The following CDH4 variants were observed in gnomAD, a reference collection of about 807,000 sequenced individuals.
The protein encoded by CDH4 is cadherin 4, also known as cadherin-4.
A neutral mutation model predicts 86.0 loss-of-function variants in CDH4; 33 were observed. The observed-to-expected ratio is 0.38, with a 90% CI of 0.29 to 0.51. The LOEUF (loss-of-function observed/expected upper bound fraction) is 0.51, where lower values mean the gene tolerates loss of function less well. Ranked by LOEUF, CDH4 falls within the 20% of genes least tolerant of loss-of-function variation. CDH4 has a pLI of 0.86. For synonymous variants in CDH4, 555 were observed against 549.4 expected (o/e 1.01, Z -0.14); for missense variants, 1,114 against 1,307.4 (o/e 0.85, Z 2.28).
At chr20:61,535,390 G>A (rs886308034) in intron 2 of CDH4, among the ~76,000 whole-genome samples, 15 of 152,214 alleles carry the variant, frequency 9.9e-5, no homozygotes, top group African/African-American at 3.1e-4. Flanking sequence ...CCAGGCCCAC[G>A]GAACAAGGAA....
intron 2 of CDH4, among the ~76,000 whole-genome samples, chr20:61,349,407 A>C (rs6028145): frequency 6.6e-6 from 1 of 152,062 alleles, no homozygotes; most frequent in Non-Finnish European, 1.5e-5. Context: ...AGCACCAGCT[A>C]ATGTTTGATG....
At chr20:61,472,396 C>T (rs769168761) in intron 2 of CDH4, among the ~76,000 whole-genome samples, 15 of 152,132 alleles carry the variant, frequency 9.9e-5, no homozygotes, top group Non-Finnish European at 2.1e-4. Context: ...AAGACTTACT[C>T]CTGCCATTTT....
intron 7 of CDH4, among the ~76,000 whole-genome samples, chr20:61,875,187 C>T (rs542675399): frequency 6.6e-6 from 1 of 152,338 alleles, no homozygotes; most frequent in African/African-American, 2.4e-5. Flanking sequence ...TCTTCATCCC[C>T]GCCTTTCAAA....
chr20:61,389,604 G>A (rs78531769), intron 2 of CDH4, among the ~76,000 whole-genome samples: 19 of 152,274 alleles, frequency 1.2e-4, no homozygotes, highest in Middle Eastern at 3.4e-3. Flanking sequence ...GCCTCCCAGC[G>A]TCTTCATTGT....
chr20:61,557,843 A>G (rs16985218), intron 2 of CDH4, among the ~76,000 whole-genome samples: 13,187 of 148,900 alleles, frequency 0.089, 632 homozygotes, highest in South Asian at 0.18. Flanking sequence ...TTATACGATA[A>G]TGACGCGGCG....
intron 2 of CDH4, among the ~76,000 whole-genome samples, chr20:61,655,941 C>G (rs2087182502): frequency 6.6e-6 from 1 of 152,222 alleles, no homozygotes; most frequent in African/African-American, 2.4e-5. Flanking sequence ...TGAACATCAC[C>G]TTGTTGTAAG....
chr20:61,745,473 A>G (rs1568792087), intron 3 of CDH4, among the ~76,000 whole-genome samples: 1 of 152,198 alleles, frequency 6.6e-6, no homozygotes, highest in African/African-American at 2.4e-5. Context: ...CTGCATGATG[A>G]GCTGACCCCA....
chr20:61,794,475 A>T (rs538763914), intron 4 of CDH4, among the ~76,000 whole-genome samples: 56 of 152,296 alleles, frequency 3.7e-4, no homozygotes, highest in African/African-American at 1.3e-3. Flanking sequence ...GTTCCCAAGG[A>T]CATTAATTCC....
intron 2 of CDH4, among the ~76,000 whole-genome samples, chr20:61,638,512 A>G (rs2086972275): frequency 6.6e-6 from 1 of 152,182 alleles, no homozygotes; most frequent in South Asian, 2.1e-4. Flanking sequence ...GGAAGGAAGT[A>G]TAATGGATGG....
At chr20:61,533,338 A>G (rs1397111912) in intron 2 of CDH4, among the ~76,000 whole-genome samples, 3 of 152,198 alleles carry the variant, frequency 2.0e-5, no homozygotes, top group Admixed American at 6.5e-5. Context: ...CTGCCCGCCA[A>G]CTCCGAGCCT....
intron 2 of CDH4, among the ~76,000 whole-genome samples, chr20:61,604,621 C>T (rs780683687): frequency 1.3e-5 from 2 of 152,082 alleles, no homozygotes; most frequent in Non-Finnish European, 2.9e-5. Flanking sequence ...GGAGGTGTCT[C>T]GGTGTTTGAT....
chr20:61,545,961 C>CGTGTGT (rs149485653), intron 2 of CDH4, among the ~76,000 whole-genome samples: 3 of 48,314 alleles, frequency 6.2e-5, no homozygotes, highest in African/African-American at 2.7e-4. Context: ...GGTGTGTGTT[C>CGTGTGT]GTGTGTGTGT....
At chr20:61,313,306 A>T (rs62198822) in intron 2 of CDH4, among the ~76,000 whole-genome samples, 2 of 152,144 alleles carry the variant, frequency 1.3e-5, no homozygotes, top group Non-Finnish European at 2.9e-5. Context: ...GAGACCCAGA[A>T]GCAGCAGGGA....
chr20:61,652,328 G>A (rs2087130140), intron 2 of CDH4, among the ~76,000 whole-genome samples: 1 of 141,726 alleles, frequency 7.1e-6, no homozygotes, highest in Non-Finnish European at 1.6e-5. Context: ...TATTGCAGTG[G>A]GACCGTACCC....
Position 61,582,731 on chromosome 20 carries a change from C to G in CDH4, c.170-160832C>G, listed in dbSNP as rs905658555. On this transcript the variant is annotated intron_variant, in intron 2 of 15. Transcript: ENST00000614565. This position sits in a 1 kb window ranked among gnomAD's most constrained non-coding sequence, Gnocchi z 4.2. ...GCAGGCTCCACTTCTCCCCAGATGT[C>G]CTGTTGGTGCCCAGCACGCCTGCCC... is the stretch of plus-strand genomic sequence containing the variant. 1.1e-4 allele frequency among the ~76,000 whole-genome samples: 16 copies of G among 152,194 alleles called. No homozygotes were observed. The highest frequency in any genetic ancestry group is 8.8e-5 in the Non-Finnish European group (6 of 68,030).
chr20:61,400,838 G>A (rs1277643268), intron 2 of CDH4, among the ~76,000 whole-genome samples: 2 of 152,184 alleles, frequency 1.3e-5, no homozygotes, highest in African/African-American at 2.4e-5. Context: ...TATTTCCACC[G>A]GCCCTGCCCC....
chr20:61,279,606 T>A (rs2084247959), intron 2 of CDH4, among the ~76,000 whole-genome samples: 1 of 152,154 alleles, frequency 6.6e-6, no homozygotes, highest in Non-Finnish European at 1.5e-5. Context: ...TCCCCAGGGA[T>A]GGGCCTCGAC....
At chr20:61,404,207 A>T (rs2085067021) in intron 2 of CDH4, among the ~76,000 whole-genome samples, 1 of 151,918 alleles carries the variant, frequency 6.6e-6, no homozygotes, top group African/African-American at 2.4e-5. Flanking sequence ...CCCAGGGCAC[A>T]TTTCTTCTCC....
At chr20:61,547,026 A>G (rs1376213863) in intron 2 of CDH4, among the ~76,000 whole-genome samples, 2 of 151,882 alleles carry the variant, frequency 1.3e-5, no homozygotes, top group African/African-American at 4.8e-5. Flanking sequence ...GTGACTTAGG[A>G]AACTGACAGA....
Sources: gnomAD v4.1 joint callset for allele counts (sites outside exome capture counted in the v4.1 genomes callset) on GRCh38, gnomAD v4.1.1 for gene constraint, Gnocchi (gnomAD v3.1) non-coding constraint, MANE v1.5 for transcripts, NCBI Gene and HGNC (gene_info 2026-07-23, HGNC 2026-07-21) for gene names.